Variants in CCL19 observed in about 807,000 individuals in gnomAD.
The protein encoded by CCL19 is C-C motif chemokine ligand 19, also known as C-C motif chemokine 19.
A neutral mutation model predicts 9.7 loss-of-function variants in CCL19; 5 were observed. The observed-to-expected ratio is 0.51, with a 90% CI of 0.27 to 1.08. The LOEUF (loss-of-function observed/expected upper bound fraction) is 1.08. CCL19 is among the 50% of genes least tolerant of loss of function. The pLI is 0.12. For synonymous variants in CCL19, 40 were observed against 47.4 expected (o/e 0.84, Z 0.64); for missense variants, 90 against 122.5 (o/e 0.73, Z 1.25).
chr9:34,690,975 G>T, intron 1 of CCL19, 116 bp downstream of exon 1: 1 of 872,004 alleles, frequency 1.1e-6, no homozygotes, highest in South Asian at 1.7e-5. Flanking sequence ...ACAGACCTAA[G>T]CATTTGCCTG....
At position 34,691,187 on chromosome 9, in the gene CCL19, G is replaced by C. The variant is rs970356919; in HGVS notation, c.-48C>G. On this transcript the variant is annotated 5_prime_UTR_variant, in exon 1 of 4. Coordinates refer to ENST00000311925, the MANE Select transcript of CCL19 (RefSeq NM_006274.3). ...AACGGTGAATGTGTGAGCGCCAGCT[G>C]TCTGGGTGTGTGCAGGATCTGTGTG... 2 of 1,572,380 alleles carry C rather than the reference G, an allele frequency of 1.3e-6. No individual in the cohort carries two copies. Among genetic ancestry groups the C allele is most frequent in the African/African-American group, 2.7e-5 (2 of 74,090 alleles).
In CCL19 at chr9:34,691,096, G is replaced by A; in HGVS notation, c.44C>T (p.Ser15Phe). The change falls in exon 1 of 4, where the codon TCC becomes TTC. Residue 15 changes from serine to phenylalanine, a missense_variant. Coordinates refer to ENST00000311925, the MANE Select transcript of CCL19 (RefSeq NM_006274.3). ...GACTCTCCCTTCAGCCTTACCTGGG[G>A]AAGTCCAGAGAACCAGCAGGCTGAG... ...LALSLLVLWTSPAPTLSGTND... is the reference protein window; with the variant it reads ...LALSLLVLWTFPAPTLSGTND... 1 of 1,610,226 alleles carries A rather than the reference G, an allele frequency of 6.2e-7. No individual in the cohort carries two copies. The highest frequency in any genetic ancestry group is 1.7e-5 in the Admixed American group (1 of 59,462).
rs375743580 is a variant in CCL19, at chr9:34,690,359, A to T, written c.50-17T>A. 6.6e-4 allele frequency: 1,065 copies of T among 1,610,494 alleles called. 12 individuals carry two copies. The South Asian group carries it at 0.011, about 17-fold the overall frequency. On this transcript the variant is annotated splice_polypyrimidine_tract_variant and intron_variant, in intron 1 of 3. Coordinates refer to ENST00000311925, the MANE Select transcript of CCL19 (RefSeq NM_006274.3). Reference sequence around the variant, plus strand: ...GAGTTGGGGCTGGGATGGGGAAAGAAGGTGACAGGACACAGGGACCCTTGA... The same window carrying T: ...GAGTTGGGGCTGGGATGGGGAAAGATGGTGACAGGACACAGGGACCCTTGA...
chr9:34,690,480 C>T (rs889281674), intron 1 of CCL19, 138 bp from the exon 2 acceptor site: 28 of 741,660 alleles, frequency 3.8e-5, no homozygotes, highest in East Asian at 5.7e-5. Context: ...CTGGTGGGGT[C>T]GGGGAGGAGT....
intron 2 of CCL19, 54 bp from the exon 3 acceptor site, chr9:34,690,077 C>T: frequency 6.3e-7 from 1 of 1,591,048 alleles, no homozygotes; most frequent in Non-Finnish European, 8.6e-7. Context: ...TGCCTGGGGA[C>T]CATGTCTGGG....
intron 1 of CCL19, 29 bp downstream of exon 1, chr9:34,691,062 T>A (rs778746337): frequency 6.3e-7 from 1 of 1,582,132 alleles, no homozygotes; most frequent in South Asian, 1.2e-5. Context: ...CCCCACTGCC[T>A]CTGACCCTGA....
Position 34,690,347 on chromosome 9 carries a change from G to C in CCL19, c.50-5C>G. The stretch of plus-strand genomic sequence containing the variant: ...TGGTGCCACTCAGAGTTGGGGCTGG[G>C]ATGGGGAAAGAAGGTGACAGGACAC... On this transcript the variant is annotated splice_region_variant and splice_polypyrimidine_tract_variant and intron_variant, in intron 1 of 3. Coordinates refer to ENST00000311925, the MANE Select transcript of CCL19 (RefSeq NM_006274.3). 6.2e-7 allele frequency: 1 copy of C among 1,613,484 alleles called. No homozygotes were observed. The highest frequency in any genetic ancestry group is 8.5e-7 in the Non-Finnish European group (1 of 1,179,762).
Position 34,690,236 on chromosome 9 carries a change from C to T in CCL19, c.156G>A (p.Lys52=), listed in dbSNP as rs931217422. Reference sequence around the variant, plus strand: ...CTACAGCAGGCACCCTGCAGCCATCCTTGATGAGAAGGTAGTGGAAGTTCC... The same window carrying T: ...CTACAGCAGGCACCCTGCAGCCATCTTTGATGAGAAGGTAGTGGAAGTTCC... The part of the protein sequence containing the change: ...IVRNFHYLLI[K]DGCRVPAVVF... The change falls in exon 2 of 4, where the codon AAG becomes AAA. Residue 52 remains lysine, a synonymous_variant. Transcript: ENST00000311925. 2.5e-6 allele frequency: 4 copies of T among 1,614,158 alleles called. No homozygotes were observed. The highest frequency in any genetic ancestry group is 2.7e-5 in the African/African-American group (2 of 75,034).
In CCL19 at chr9:34,689,583, C is replaced by T; in HGVS notation, c.*236G>A. Reference sequence around the variant, plus strand: ...GGTTGTGATCAATTAGTTGTAAACACCAGGCGGCTTTATTGGTAGCATTGC... The same window carrying T: ...GGTTGTGATCAATTAGTTGTAAACATCAGGCGGCTTTATTGGTAGCATTGC... On this transcript the variant is annotated 3_prime_UTR_variant, in exon 4 of 4. Coordinates refer to ENST00000311925, the MANE Select transcript of CCL19 (RefSeq NM_006274.3). The surrounding 1 kb of genome is among the most constrained non-coding windows in gnomAD (Gnocchi z 4.1). The T allele has an allele frequency of 3.7e-6, 2 of 547,522 alleles. No homozygotes were observed. The allele number at this position is 547,522 out of a possible 1,614,324, so 33.9% of individuals were successfully genotyped here. A position where few individuals can be genotyped will look rare whatever the true frequency, so the allele number is the denominator to read the frequency against.
chr9:34,689,671 C>G lies in CCL19; in HGVS notation c.*148G>C, dbSNP rs773324814. On this transcript the variant is annotated 3_prime_UTR_variant, in exon 4 of 4. Coordinates refer to ENST00000311925, the MANE Select transcript of CCL19 (RefSeq NM_006274.3). The surrounding 1 kb of genome is among the most constrained non-coding windows in gnomAD (Gnocchi z 4.1). ...ACCCTCTCGCTCACACTCACACTCACACACACCCCAGGCCCTGTCCTGGCT... is the reference window on the plus strand; with the variant it reads ...ACCCTCTCGCTCACACTCACACTCAGACACACCCCAGGCCCTGTCCTGGCT... 4.6e-6 allele frequency: 4 copies of G among 863,386 alleles called. No individual in the cohort carries two copies. The highest frequency in any genetic ancestry group is 5.6e-6 in the Non-Finnish European group (3 of 532,842). 53.5% of individuals were successfully genotyped at this position (863,386 alleles called of 1,614,324 possible).
intron 1 of CCL19, 124 bp downstream of exon 1, chr9:34,690,967 A>C: frequency 1.2e-6 from 1 of 810,008 alleles, no homozygotes; most frequent in East Asian, 2.7e-5. Context: ...CGAAATATAC[A>C]GACCTAAGCA....
Position 34,689,657 on chromosome 9 carries a change from C to T in CCL19, c.*162G>A. 1 of 756,986 alleles carries T rather than the reference C, an allele frequency of 1.3e-6. No individual in the cohort carries two copies. The highest frequency in any genetic ancestry group is 1.7e-5 in the South Asian group (1 of 58,954). The allele number at this position is 756,986 out of a possible 1,614,324, so 46.9% of individuals were successfully genotyped here. A position where few individuals can be genotyped will look rare whatever the true frequency, so the allele number is the denominator to read the frequency against. On this transcript the variant is annotated 3_prime_UTR_variant, in exon 4 of 4. Transcript: ENST00000311925. This position sits in a 1 kb window ranked among gnomAD's most constrained non-coding sequence, Gnocchi z 4.1. ...CTCTGACCACACTCACCCTCTCGCT[C>T]ACACTCACACTCACACACACCCCAG... is the stretch of plus-strand genomic sequence containing the variant.
chr9:34,690,076 A>T (rs1821776476), intron 2 of CCL19, 53 bp from the exon 3 acceptor site: 1 of 1,591,504 alleles, frequency 6.3e-7, no homozygotes, highest in Non-Finnish European at 8.6e-7. Context: ...ATGCCTGGGG[A>T]CCATGTCTGG....
rs184917293 is a variant in CCL19 at position 34,691,240 on chromosome 9, G to C, written c.-101C>G. On this transcript the variant is annotated 5_prime_UTR_variant, in exon 1 of 4. Coordinates refer to ENST00000311925, the MANE Select transcript of CCL19 (RefSeq NM_006274.3). The stretch of plus-strand genomic sequence containing the variant: ...GCTGCAGGGCGACTGGGATGCAGGG[G>C]TGAAATGCAAGGTGTGAGTGATGTG... The C allele has an allele frequency of 1.0e-6, 1 of 993,398 alleles. No individual in the cohort carries two copies. Among genetic ancestry groups the C allele is most frequent in the African/African-American group, 1.6e-5 (1 of 62,734 alleles). 61.5% of individuals were successfully genotyped at this position (993,398 alleles called of 1,614,324 possible). A position where few individuals can be genotyped will look rare whatever the true frequency, so the allele number is the denominator to read the frequency against.
At position 34,691,110 on chromosome 9, in the gene CCL19, C is replaced by A. The variant is rs1821787388; in HGVS notation, c.30G>T (p.Leu10=). The A allele has an allele frequency of 6.2e-7, 1 of 1,612,544 alleles. No individual in the cohort carries two copies. The highest frequency in any genetic ancestry group is 8.5e-7 in the Non-Finnish European group (1 of 1,179,440). Residue 10 remains leucine (L), a synonymous_variant, in exon 1 of 4, where the codon CTG becomes CTT. Coordinates refer to ENST00000311925, the MANE Select transcript of CCL19 (RefSeq NM_006274.3). ...CCTTACCTGGGGAAGTCCAGAGAAC[C>A]AGCAGGCTGAGGGCCAGTAGCAGGG... The part of the protein sequence containing the change: MALLLALSL[L]VLWTSPAPTL...
chr9:34,690,113 G>A, intron 2 of CCL19, 90 bp from the exon 3 acceptor site: 1 of 1,584,768 alleles, frequency 6.3e-7, no homozygotes, highest in Non-Finnish European at 8.7e-7. Flanking sequence ...TTTCCTTGAA[G>A]GGGTTGGGCT....
intron 1 of CCL19, 27 bp from the exon 2 acceptor site, chr9:34,690,369 A>T (rs771675572): frequency 6.2e-7 from 1 of 1,611,022 alleles, no homozygotes; most frequent in Non-Finnish European, 8.5e-7. Context: ...AGGTGACAGG[A>T]CACAGGGACC....
chr9:34,690,127 C>T, intron 2 of CCL19, 83 bp downstream of exon 2: 1 of 1,590,346 alleles, frequency 6.3e-7, no homozygotes, highest in Non-Finnish European at 8.6e-7. Context: ...TTGGGCTTGG[C>T]ATGGAGAAGG....
rs1821777995 is a variant in CCL19, at chr9:34,690,214, C to T, written c.178G>A (p.Val60Ile). Residue 60 changes from valine (V) to isoleucine (I), a missense_variant, in exon 2 of 4, where the codon GTA (valine) becomes ATA (isoleucine). Coordinates refer to ENST00000311925, the MANE Select transcript of CCL19 (RefSeq NM_006274.3). ...GACACCCTCCCCACAACTCACACTA[C>T]AGCAGGCACCCTGCAGCCATCCTTG... is the stretch of plus-strand genomic sequence containing the variant. Reference protein sequence around the residue: ...LIKDGCRVPAVVFTTLRGRQL... With the variant: ...LIKDGCRVPAIVFTTLRGRQL... The T allele has an allele frequency of 6.2e-7, 1 of 1,614,126 alleles. No individual in the cohort carries two copies. Among genetic ancestry groups the T allele is most frequent in the Non-Finnish European group, 8.5e-7 (1 of 1,180,006 alleles).
Sources: allele counts gnomAD v4.1 joint callset, GRCh38; gene constraint gnomAD v4.1.1; non-coding constraint Gnocchi (gnomAD v3.1); transcripts MANE v1.5; gene names NCBI Gene and HGNC (gene_info 2026-07-23, HGNC 2026-07-21).